Variants in FBXL17 observed in about 807,000 individuals in gnomAD.
The protein encoded by FBXL17 is F-box/LRR-repeat protein 17.
FBXL17 carries 22 observed loss-of-function variants against 66.2 expected under a neutral mutation model. The ratio of observed to expected loss-of-function variants is 0.33; its 90% CI spans 0.24 to 0.47. FBXL17 has a LOEUF of 0.47. FBXL17 is among the 20% of genes least tolerant of loss of function. The pLI, the probability that FBXL17 is intolerant of heterozygous loss-of-function variation, is 1.00. For synonymous variants in FBXL17, 474 were observed against 400.5 expected, an observed-to-expected ratio of 1.18 and a Z score of -2.19; for missense variants, 878 against 948.2, an observed-to-expected ratio of 0.93 and a Z score of 0.97.
chr5:108,018,401 G>A (rs977090642), intron 7 of FBXL17, among the ~76,000 whole-genome samples: 9 of 152,064 alleles, frequency 5.9e-5, no homozygotes, highest in Non-Finnish European at 1.2e-4. Context: ...CTGTTTCTCT[G>A]GTTACAATGA....
intron 6 of FBXL17, among the ~76,000 whole-genome samples, chr5:108,119,254 A>T (rs1194168695): frequency 6.6e-6 from 1 of 152,200 alleles, no homozygotes; most frequent in Non-Finnish European, 1.5e-5. Context: ...CCTGGCATGG[A>T]TAATCATGTC....
intron 4 of FBXL17, among the ~76,000 whole-genome samples, 164 bp from the exon 5 acceptor site, chr5:108,224,392 TAA>T (rs1373710980): frequency 6.6e-6 from 1 of 152,130 alleles, no homozygotes; most frequent in African/African-American, 2.4e-5. Flanking sequence ...CCTGTATTTT[TAA>T]AAGTCATCTC....
chr5:108,242,890 T>G (rs1755925408), intron 4 of FBXL17, among the ~76,000 whole-genome samples: 1 of 152,222 alleles, frequency 6.6e-6, no homozygotes, highest in Non-Finnish European at 1.5e-5. Context: ...TTTATGTAGC[T>G]AATAATACAC....
intron 6 of FBXL17, among the ~76,000 whole-genome samples, chr5:108,151,448 T>C (rs898703651): frequency 6.6e-6 from 1 of 152,194 alleles, no homozygotes; most frequent in Non-Finnish European, 1.5e-5. Flanking sequence ...TCCAGTGTTC[T>C]GTATTTGCTG....
intron 4 of FBXL17, among the ~76,000 whole-genome samples, chr5:108,267,208 C>G (rs1420756738): frequency 6.6e-6 from 1 of 151,656 alleles, no homozygotes; most frequent in Non-Finnish European, 1.5e-5. Flanking sequence ...AACCAGTTTC[C>G]CTAAATAATA....
At chr5:108,242,833 A>G (rs1292730858) in intron 4 of FBXL17, among the ~76,000 whole-genome samples, 2 of 152,194 alleles carry the variant, frequency 1.3e-5, no homozygotes, top group African/African-American at 2.4e-5. Flanking sequence ...AAAAAAATTC[A>G]GCAAAAATGT....
chr5:107,997,815 C>T (rs1343756824), intron 7 of FBXL17, among the ~76,000 whole-genome samples: 4 of 152,184 alleles, frequency 2.6e-5, no homozygotes, highest in African/African-American at 9.7e-5. Context: ...AATCAACACC[C>T]TGAGTCACTA....
intron 7 of FBXL17, among the ~76,000 whole-genome samples, chr5:107,892,679 G>GA (rs963994743): frequency 1.3e-5 from 2 of 151,434 alleles, no homozygotes; most frequent in African/African-American, 2.4e-5. Flanking sequence ...AAATTATGTG[G>GA]AAAAAAAAGC....
At chr5:108,145,901 A>G (rs1751535822) in intron 6 of FBXL17, among the ~76,000 whole-genome samples, 1 of 151,844 alleles carries the variant, frequency 6.6e-6, no homozygotes, top group Non-Finnish European at 1.5e-5. Flanking sequence ...AGAAATGCAC[A>G]AGACGGCAGT....
intron 4 of FBXL17, among the ~76,000 whole-genome samples, chr5:108,313,547 T>C (rs1759221229): frequency 6.6e-6 from 1 of 152,042 alleles, no homozygotes; most frequent in Non-Finnish European, 1.5e-5. Flanking sequence ...ATTAAACTAT[T>C]CTCATTAACA....
At chr5:108,305,761 C>A (rs1758807884) in intron 4 of FBXL17, among the ~76,000 whole-genome samples, 1 of 152,092 alleles carries the variant, frequency 6.6e-6, no homozygotes, top group Non-Finnish European at 1.5e-5. Flanking sequence ...AGCAAAAAGG[C>A]AGTAAAGTCA....
At chr5:108,292,226 A>G (rs1758142786) in intron 4 of FBXL17, among the ~76,000 whole-genome samples, 2 of 151,836 alleles carry the variant, frequency 1.3e-5, no homozygotes, top group African/African-American at 4.8e-5. Context: ...GGTTCAATCA[A>G]TTCTCCTGCC....
chr5:107,913,573 C>T (rs1332248031), intron 7 of FBXL17, among the ~76,000 whole-genome samples: 1 of 151,964 alleles, frequency 6.6e-6, no homozygotes, highest in Admixed American at 6.6e-5. Flanking sequence ...TAGAGCTCCC[C>T]TGAGAATTTT....
chr5:108,189,040 CCA>C (rs1367954786), intron 5 of FBXL17, among the ~76,000 whole-genome samples: 5 of 152,112 alleles, frequency 3.3e-5, no homozygotes, highest in African/African-American at 1.2e-4. Context: ...TTGAAATCAC[CCA>C]CAGTCATGGC....
chr5:108,072,532 T>A (rs1748374161), intron 6 of FBXL17, among the ~76,000 whole-genome samples: 1 of 152,042 alleles, frequency 6.6e-6, no homozygotes, highest in Non-Finnish European at 1.5e-5. Flanking sequence ...TGAAACCCCG[T>A]CTCTACTAAA....
chr5:108,117,335 T>A (rs760710489), intron 6 of FBXL17, among the ~76,000 whole-genome samples: 1 of 152,146 alleles, frequency 6.6e-6, no homozygotes, highest in African/African-American at 2.4e-5. Flanking sequence ...TTAATCAAGT[T>A]TGAAAATGAT....
At chr5:108,143,688 T>C (rs1230531582) in intron 6 of FBXL17, among the ~76,000 whole-genome samples, 2 of 145,358 alleles carry the variant, frequency 1.4e-5, no homozygotes, top group Non-Finnish European at 3.0e-5. Flanking sequence ...AAGGTGCTTC[T>C]ATATTCTTCA....
At chr5:108,233,163 G>A (rs1405622794) in intron 4 of FBXL17, among the ~76,000 whole-genome samples, 1 of 150,068 alleles carries the variant, frequency 6.7e-6, no homozygotes, top group Non-Finnish European at 1.5e-5. Flanking sequence ...ACCCTTATCA[G>A]ATATTTGTTT....
intron 6 of FBXL17, among the ~76,000 whole-genome samples, chr5:108,154,090 A>T (rs1751872431): frequency 6.6e-6 from 1 of 152,082 alleles, no homozygotes; most frequent in South Asian, 2.1e-4. Context: ...CATCAGGTAA[A>T]TGGTGGGTTA....
Sources: allele counts gnomAD v4.1 joint callset (sites outside exome capture counted in the v4.1 genomes callset), GRCh38; gene constraint gnomAD v4.1.1; transcripts MANE v1.5; gene names NCBI Gene and HGNC (gene_info 2026-07-23, HGNC 2026-07-21).